The following TRIO variants were observed in gnomAD, a reference collection of about 807,000 sequenced individuals.
TRIO encodes the protein trio Rho guanine nucleotide exchange factor, also known as triple functional domain protein.
In TRIO, 58 loss-of-function variants were observed where a neutral mutation model predicts 351.9. The ratio of observed to expected loss-of-function variants is 0.16; its 90% CI spans 0.13 to 0.21. The LOEUF is 0.21. Ranked by LOEUF, TRIO falls within the 10% of genes least tolerant of loss-of-function variation. The pLI is 1.00. For synonymous variants in TRIO, 1,758 were observed against 1,595.7 expected (o/e 1.10, Z -2.42); for missense variants, 3,201 against 4,027.8 (o/e 0.79, Z 5.56).
chr5:14,149,202 C>T (rs924529561), intron 1 of TRIO, among the ~76,000 whole-genome samples: 6 of 152,154 alleles, frequency 3.9e-5, no homozygotes, highest in African/African-American at 1.2e-4. Flanking sequence ...AACAGGACTT[C>T]GCTCTCACTG....
At chr5:14,475,240 G>C (rs149001403) in intron 40 of TRIO, among the ~76,000 whole-genome samples, 2 of 152,106 alleles carry the variant, frequency 1.3e-5, no homozygotes, top group Non-Finnish European at 1.5e-5. Flanking sequence ...TGTCTGCTCC[G>C]GTTACCTGGC....
At position 14,387,434 on chromosome 5, in the gene TRIO, G is replaced by A. The variant is rs16903450; in HGVS notation, c.3571-4G>A. 3.0e-3 allele frequency: 4,765 copies of A among 1,591,348 alleles called. 122 individuals are homozygous for A. In the African/African-American group the frequency reaches 0.055, roughly 18 times the overall value. ...TCACAATACTTTCCTGTTGTTTTTT[G>A]CAGCAAACCAAAGAGAGAGTGAAGC... On this transcript the variant is annotated splice_region_variant and splice_polypyrimidine_tract_variant and intron_variant, in intron 21 of 56. Transcript: ENST00000344204.
chr5:14,203,146 G>A (rs1049692068), intron 1 of TRIO, among the ~76,000 whole-genome samples: 36 of 152,150 alleles, frequency 2.4e-4, no homozygotes, highest in African/African-American at 7.0e-4. Flanking sequence ...TGTATATTGG[G>A]CACTGAATAG....
chr5:14,426,273 G>A (rs951151285), intron 34 of TRIO, among the ~76,000 whole-genome samples: 2 of 152,076 alleles, frequency 1.3e-5, no homozygotes, highest in Non-Finnish European at 2.9e-5. Flanking sequence ...CCTTCTCTTG[G>A]AGCTGTACAT....
chr5:14,245,423 G>A (rs2152240569), intron 1 of TRIO, among the ~76,000 whole-genome samples: 1 of 152,294 alleles, frequency 6.6e-6, no homozygotes, highest in Middle Eastern at 3.4e-3. Context: ...GGGAGTGCTT[G>A]CAGTTCTCTT....
At chr5:14,237,778 A>G (rs999831814) in intron 1 of TRIO, among the ~76,000 whole-genome samples, 5 of 152,206 alleles carry the variant, frequency 3.3e-5, no homozygotes, top group Non-Finnish European at 7.3e-5. Flanking sequence ...TAGTTCGCCA[A>G]TAATATTGAT....
chr5:14,291,785 T>G (rs1736929104), intron 5 of TRIO, among the ~76,000 whole-genome samples: 1 of 57,866 alleles, frequency 1.7e-5, no homozygotes, highest in Non-Finnish European at 3.5e-5. Context: ...TGAGACTCCG[T>G]CTTAAAAAAA....
chr5:14,236,103 T>C (rs181879012), intron 1 of TRIO, among the ~76,000 whole-genome samples: 6 of 152,338 alleles, frequency 3.9e-5, no homozygotes, highest in African/African-American at 9.6e-5. Flanking sequence ...GCACTGTTGA[T>C]TTCTCAGAGT....
At chr5:14,296,402 A>C (rs1289508077) in intron 6 of TRIO, among the ~76,000 whole-genome samples, 2 of 152,238 alleles carry the variant, frequency 1.3e-5, no homozygotes, top group East Asian at 1.9e-4. Flanking sequence ...TTCTGCAAAA[A>C]GGGTGGGTTT....
intron 37 of TRIO, chr5:14,466,286 G>A (rs187691458): frequency 6.6e-6 from 1 of 152,486 alleles, no homozygotes; most frequent in African/African-American, 2.4e-5. Flanking sequence ...GATGTGCCAG[G>A]GTCAGTGGTA....
intron 47 of TRIO, 69 bp downstream of exon 47, chr5:14,485,315 C>T (rs1755838571): frequency 1.4e-6 from 2 of 1,450,842 alleles, no homozygotes; most frequent in East Asian, 2.4e-5. Context: ...TATCTTCCCT[C>T]TCCCATTCAT....
rs561072130 is a variant in TRIO at position 14,471,368 on chromosome 5, C to T, written c.5814C>T (p.Ser1938=). 1.9e-5 allele frequency: 30 copies of T among 1,614,152 alleles called. 2 individuals are homozygous for T. The South Asian group carries it at 3.1e-4, about 17-fold the overall frequency. ...SSLLVDQGDS[S]SPSFNPSDNS... is the part of the protein sequence containing the mutation. ...TCCTTGTTGACCAGGGAGATAGTAGCAGCCCTTCCTTCAACCCTTCGGATA... is the reference window on the plus strand; with the variant it reads ...TCCTTGTTGACCAGGGAGATAGTAGTAGCCCTTCCTTCAACCCTTCGGATA... Residue 1938 remains serine (S), a synonymous_variant, in exon 38 of 57, where the codon AGC becomes AGT. Coordinates refer to ENST00000344204, the MANE Select transcript of TRIO (RefSeq NM_007118.4).
chr5:14,160,104 T>C (rs1788363677), intron 1 of TRIO, among the ~76,000 whole-genome samples: 1 of 152,248 alleles, frequency 6.6e-6, no homozygotes, highest in Admixed American at 6.5e-5. Context: ...TGAAATTTAT[T>C]TTGGGCACAG....
intron 1 of TRIO, among the ~76,000 whole-genome samples, chr5:14,218,080 G>A (rs1239402972): frequency 6.6e-6 from 1 of 152,092 alleles, no homozygotes; most frequent in Non-Finnish European, 1.5e-5. Flanking sequence ...GGAGAGTCTC[G>A]TTTACCTTCC....
At chr5:14,496,495 A>G (rs576451012) in intron 49 of TRIO, among the ~76,000 whole-genome samples, 2 of 152,306 alleles carry the variant, frequency 1.3e-5, no homozygotes, top group African/African-American at 4.8e-5. Context: ...TCATTGGATG[A>G]GGGCCATTCA....
intron 40 of TRIO, among the ~76,000 whole-genome samples, chr5:14,475,592 T>C (rs1235307094): frequency 6.6e-6 from 1 of 152,252 alleles, no homozygotes; most frequent in Non-Finnish European, 1.5e-5. Flanking sequence ...TGATGTCTAA[T>C]TTATTTGGAT....
intron 11 of TRIO, among the ~76,000 whole-genome samples, chr5:14,350,503 G>C (rs1742971096): frequency 6.6e-6 from 1 of 152,176 alleles, no homozygotes; most frequent in African/African-American, 2.4e-5. Context: ...TTTGGCCCCA[G>C]GTTAGTCACG....
rs1284943286 is a variant in TRIO, at chr5:14,304,454, T to C, written c.1369-7T>C. On this transcript the variant is annotated splice_polypyrimidine_tract_variant and splice_region_variant and intron_variant, in intron 7 of 56. Coordinates refer to ENST00000344204, the MANE Select transcript of TRIO (RefSeq NM_007118.4). ...TGATAGAAATAATCTTTTTTTAACC[T>C]TCCAAGTATATGAGCAACGTGGATT... 4.4e-6 allele frequency: 7 copies of C among 1,598,506 alleles called. No homozygotes were observed. The Admixed American group carries it at 9.1e-5, about 21-fold the overall frequency.
chr5:14,243,810 A>G (rs959940732), intron 1 of TRIO, among the ~76,000 whole-genome samples: 1 of 152,208 alleles, frequency 6.6e-6, no homozygotes, highest in African/African-American at 2.4e-5. Flanking sequence ...TGGTATAGGC[A>G]TGCCAATAGC....
Sources: gnomAD v4.1 joint callset for allele counts (sites outside exome capture counted in the v4.1 genomes callset) on GRCh38, gnomAD v4.1.1 for gene constraint, MANE v1.5 for transcripts, NCBI Gene and HGNC (gene_info 2026-07-23, HGNC 2026-07-21) for gene names.